The following STAM variants were observed in gnomAD, a reference collection of about 807,000 sequenced individuals.
STAM encodes the protein signal transducing adapter molecule 1.
In STAM, 16 loss-of-function variants were observed where a neutral mutation model predicts 63.4. The ratio of observed to expected loss-of-function variants is 0.25; its 90% CI spans 0.17 to 0.38. The LOEUF is 0.38. Among genes scored for constraint, STAM ranks in the 10% least tolerant of loss-of-function variants. The pLI is 1.00. For synonymous variants in STAM, 238 were observed against 223.9 expected (o/e 1.06, Z -0.56); for missense variants, 636 against 657.1 (o/e 0.97, Z 0.35).
At chr10:17,681,893 T>C (rs184288156) in intron 2 of STAM, among the ~76,000 whole-genome samples, 10 of 152,356 alleles carry the variant, frequency 6.6e-5, no homozygotes, top group African/African-American at 2.2e-4. Flanking sequence ...CCTAAGCACA[T>C]GATGTTTCGT....
chr10:17,652,188 GT>G (rs1554821629), intron 1 of STAM, among the ~76,000 whole-genome samples: 2 of 151,940 alleles, frequency 1.3e-5, no homozygotes, highest in African/African-American at 4.8e-5. Context: ...AAAATAAATA[GT>G]TTTGACTTCA....
At chr10:17,670,256 A>G (rs534281641) in intron 2 of STAM, among the ~76,000 whole-genome samples, 87 of 152,308 alleles carry the variant, frequency 5.7e-4, no homozygotes, top group Non-Finnish European at 1.0e-3. Flanking sequence ...ACTAAGTCTT[A>G]AAAACATCGT....
chr10:17,651,867 G>A (rs868922513), intron 1 of STAM, among the ~76,000 whole-genome samples: 2 of 152,140 alleles, frequency 1.3e-5, no homozygotes, highest in Admixed American at 1.3e-4. Context: ...AATGTGATGC[G>A]AAGTCCTCCT....
At chr10:17,701,698 TTC>T (rs1836004744) in intron 9 of STAM, among the ~76,000 whole-genome samples, 1 of 152,212 alleles carries the variant, frequency 6.6e-6, no homozygotes, top group South Asian at 2.1e-4. Flanking sequence ...CCCGAGAACA[TTC>T]TCTCCTACCA....
At chr10:17,654,226 A>G (rs12256100) in intron 1 of STAM, among the ~76,000 whole-genome samples, 17,120 of 151,538 alleles carry the variant, frequency 0.11, 1,045 homozygotes, top group Middle Eastern at 0.16. Flanking sequence ...TATTATTATT[A>G]TTATTATTAT....
chr10:17,699,754 TTC>T (rs1444573526), intron 8 of STAM, among the ~76,000 whole-genome samples: 2 of 152,214 alleles, frequency 1.3e-5, no homozygotes, highest in African/African-American at 4.8e-5. Flanking sequence ...AGTGTGGATT[TTC>T]TGTCAAACCA....
At chr10:17,710,302 C>T (rs1317654428) in intron 13 of STAM, among the ~76,000 whole-genome samples, 1 of 152,284 alleles carries the variant, frequency 6.6e-6, no homozygotes, top group Admixed American at 6.5e-5. Flanking sequence ...GGTGCTTTAA[C>T]AGTGAAGTTC....
chr10:17,649,839 C>G (rs1243946378), intron 1 of STAM, among the ~76,000 whole-genome samples: 1 of 152,136 alleles, frequency 6.6e-6, no homozygotes, highest in Non-Finnish European at 1.5e-5. Context: ...TCTTGAACTC[C>G]TAGCCTCAAG....
In STAM at chr10:17,714,765, G is replaced by A; in HGVS notation, c.1608G>A (p.Gln536=). ...CTCAGCCACAGCAACCATATTCTCA[G>A]AAGGCTCTGCTATAGGACCCGGTGT... The part of the protein sequence containing the change: ...QPPQPQQPYS[Q]KALL Residue 536 remains glutamine, a synonymous_variant, in exon 14 of 14, where the codon CAG becomes CAA. Coordinates refer to ENST00000377524, the MANE Select transcript of STAM (RefSeq NM_003473.4). 6.2e-7 allele frequency: 1 copy of A among 1,614,064 alleles called. No homozygotes were observed. The highest frequency in any genetic ancestry group is 8.5e-7 in the Non-Finnish European group (1 of 1,180,004).
intron 2 of STAM, 55 bp from the exon 3 acceptor site, chr10:17,684,620 G>T: frequency 1.4e-6 from 2 of 1,429,300 alleles, no homozygotes; most frequent in Non-Finnish European, 9.7e-7. Flanking sequence ...CAGTTAAGGG[G>T]CAGGGGGAAG....
intron 5 of STAM, among the ~76,000 whole-genome samples, chr10:17,688,949 A>C (rs1284260199): frequency 6.6e-6 from 1 of 152,140 alleles, no homozygotes; most frequent in Non-Finnish European, 1.5e-5. Flanking sequence ...ATTAACAATG[A>C]GAGGACTTTA....
chr10:17,655,872 G>A (rs576417059), intron 1 of STAM, among the ~76,000 whole-genome samples: 1 of 152,220 alleles, frequency 6.6e-6, no homozygotes, highest in Admixed American at 6.5e-5. Context: ...GTCAAGACTG[G>A]TTACCCTCTG....
chr10:17,658,479 TC>T (rs1334121766), intron 1 of STAM, among the ~76,000 whole-genome samples: 2 of 152,128 alleles, frequency 1.3e-5, no homozygotes, highest in Non-Finnish European at 2.9e-5. Flanking sequence ...GTTGTTGAGT[TC>T]AACTATGTCC....
At chr10:17,694,993 T>C (rs1219534740) in intron 6 of STAM, 56 bp from the exon 7 acceptor site, 14 of 1,530,936 alleles carry the variant, frequency 9.1e-6, no homozygotes, top group East Asian at 2.3e-5. Flanking sequence ...TTTCTACTTC[T>C]TCAGACTGTT....
rs1262238733 is a variant in STAM at position 17,716,618 on chromosome 10, A to G, written c.*1838A>G. 1.3e-5 allele frequency among the ~76,000 whole-genome samples: 2 copies of G among 152,140 alleles called. No homozygotes were observed. The highest frequency in any genetic ancestry group is 2.9e-5 in the Non-Finnish European group (2 of 68,036). On this transcript the variant is annotated 3_prime_UTR_variant, in exon 14 of 14. Transcript: ENST00000377524. Reference sequence around the variant, plus strand: ...TTTGTCTTTTGATAAATTCCTGTTTACCAATGTTAAATGTATCATTTTCCC... The same window carrying G: ...TTTGTCTTTTGATAAATTCCTGTTTGCCAATGTTAAATGTATCATTTTCCC...
intron 1 of STAM, among the ~76,000 whole-genome samples, chr10:17,648,564 C>A (rs1013711860): frequency 6.6e-6 from 1 of 152,124 alleles, no homozygotes; most frequent in Non-Finnish European, 1.5e-5. Flanking sequence ...CACAAAGGTC[C>A]GTGGCTTCAT....
intron 1 of STAM, among the ~76,000 whole-genome samples, chr10:17,646,799 T>A (rs1833537620): frequency 1.3e-5 from 2 of 152,202 alleles, no homozygotes; most frequent in South Asian, 4.1e-4. Context: ...ACATATAGAA[T>A]ACAGTGTATA....
chr10:17,675,962 A>G (rs1834838456), intron 2 of STAM, among the ~76,000 whole-genome samples: 1 of 152,222 alleles, frequency 6.6e-6, no homozygotes, highest in Non-Finnish European at 1.5e-5. Flanking sequence ...TTCCAACACG[A>G]TGAATGGGCA....
In STAM at chr10:17,704,518, G is replaced by A. The variant is rs979319364; in HGVS notation, c.1000G>A (p.Ala334Thr). The change falls in exon 10 of 14, where the codon GCA (alanine) becomes ACA (threonine). Residue 334 changes from alanine to threonine, a missense_variant and splice_region_variant. This residue lies in a region of STAM where 532 missense variants were observed against 536.9 expected (regional missense o/e 0.99). Coordinates refer to ENST00000377524, the MANE Select transcript of STAM (RefSeq NM_003473.4). ...PDLPELLHLE[A>T]MCHQMGPLID... is the part of the protein sequence containing the mutation. The stretch of plus-strand genomic sequence containing the variant: ...CCTACCAGAGCTGCTTCATCTTGAA[G>A]GTAAAACTTTTCTATTTACCTTGCA... 7 of 1,613,584 alleles carry A rather than the reference G, an allele frequency of 4.3e-6. No individual in the cohort carries two copies. Among genetic ancestry groups the A allele is most frequent in the South Asian group, 2.2e-5 (2 of 91,070 alleles).
Sources: gnomAD v4.1 joint callset for allele counts (sites outside exome capture counted in the v4.1 genomes callset) on GRCh38, gnomAD v4.1.1 for gene constraint, gnomAD v4.1.1 regional missense constraint, MANE v1.5 for transcripts, NCBI Gene and HGNC (gene_info 2026-07-23, HGNC 2026-07-21) for gene names.